Variants in COMMD6 observed in about 807,000 individuals in gnomAD.
The protein encoded by COMMD6 is COMM domain containing 6.
A neutral mutation model predicts 13.4 loss-of-function variants in COMMD6; 11 were observed. The ratio of observed to expected loss-of-function variants is 0.82; its 90% confidence interval spans 0.52 to 1.36. COMMD6 has a LOEUF of 1.36. Ranked by LOEUF, COMMD6 falls within the 40% of genes most tolerant of loss-of-function variation. The pLI is 0.00. For synonymous variants in COMMD6, 43 were observed against 36.5 expected (o/e 1.18, Z -0.64); for missense variants, 124 against 102.4 (o/e 1.21, Z -0.91).
upstream of COMMD6, among the ~76,000 whole-genome samples, chr13:75,542,794 G>A (rs941653963): frequency 1.3e-5 from 2 of 152,234 alleles, no homozygotes; most frequent in Admixed American, 6.5e-5. Context: ...CAGAGAGGGA[G>A]TGTTAGAGTG....
chr13:75,546,038 C>T (rs1176023499), intron 1 of COMMD6, among the ~76,000 whole-genome samples: 1 of 151,988 alleles, frequency 6.6e-6, no homozygotes, highest in African/African-American at 2.4e-5. Context: ...GGATGGATAC[C>T]CCATTCTCCA....
Position 75,530,106 on chromosome 13 carries a change from T to C in COMMD6, c.207+8A>G. 6.2e-7 allele frequency: 1 copy of C among 1,607,816 alleles called. No homozygotes were observed. The highest frequency in any genetic ancestry group is 8.5e-7 in the Non-Finnish European group (1 of 1,176,804). On this transcript the variant is annotated splice_region_variant and intron_variant, in intron 3 of 3. Coordinates refer to ENST00000682242, the MANE Select transcript of COMMD6 (RefSeq NM_203495.4). ...CTGAGCTAAAACTGGATGAGTTAAATCACAAACCTGAAACTGTGGAATCGT... is the reference window on the plus strand; with the variant it reads ...CTGAGCTAAAACTGGATGAGTTAAACCACAAACCTGAAACTGTGGAATCGT...
chr13:75,534,851 T>C (rs1056144627), intron 2 of COMMD6, among the ~76,000 whole-genome samples: 4 of 152,194 alleles, frequency 2.6e-5, no homozygotes, highest in African/African-American at 9.7e-5. Flanking sequence ...TAGATAAAAC[T>C]GGTAATTCCT....
upstream of COMMD6, among the ~76,000 whole-genome samples, chr13:75,543,304 A>G (rs1305842623): frequency 6.6e-6 from 1 of 152,086 alleles, no homozygotes; most frequent in African/African-American, 2.4e-5. Flanking sequence ...TAACAAACCT[A>G]TACATGTATC....
chr13:75,539,908 A>G (rs1044823819), upstream of COMMD6, among the ~76,000 whole-genome samples: 1 of 152,164 alleles, frequency 6.6e-6, no homozygotes, highest in African/African-American at 2.4e-5. Context: ...AGTCAGATGA[A>G]AACACAGAAC....
At position 75,544,120 on chromosome 13, in the gene COMMD6, G is replaced by A. The variant is rs533946544; in HGVS notation, n.106+5203C>T. Among the ~76,000 whole-genome samples, 653 of 151,948 alleles carry A rather than the reference G, an allele frequency of 4.3e-3. 4 individuals carry two copies. The highest frequency in any genetic ancestry group is 0.014 in the African/African-American group (580 of 41,434). The stretch of plus-strand genomic sequence containing the variant: ...TGTGTGTGTTGTGGTGGTGGTGGGT[G>A]GGGGGGAGGTGGGGTAATCATCAAG... On this transcript the variant is annotated intron_variant and non_coding_transcript_variant, in intron 1 of 2. Coordinates refer to the COMMD6 transcript ENST00000460675.
chr13:75,530,149 T>C lies in COMMD6; in HGVS notation c.172A>G (p.Thr58Ala), dbSNP rs767951866. 1 of 1,613,654 alleles carries C rather than the reference T, an allele frequency of 6.2e-7. No individual in the cohort carries two copies. The highest frequency in any genetic ancestry group is 2.2e-5 in the East Asian group (1 of 44,856). The change falls in exon 3 of 4, where the codon ACC (threonine) becomes GCC (alanine). Residue 58 changes from threonine (T) to alanine (A), a missense_variant. By Grantham distance (58) the Thr-to-Ala change is moderately conservative (BLOSUM62 0). Transcript: ENST00000682242. ...GGAATCGTCATTTCAAAGCACTTGG[T>C]CTTTACTTGGCCTGAATGATCTGCC... ...KVADHSGQVK[T>A]KCFEMTIPQF...
Position 75,537,659 on chromosome 13 carries a change from C to A in COMMD6, c.54+5G>T. ...GAGGACAGGGCGGGGCGGCCGCTCA[C>A]CCACCTGGTTGGTGACCTGAAACGG... On this transcript the variant is annotated splice_donor_5th_base_variant and intron_variant, in intron 2 of 3. Transcript: ENST00000682242. 1 of 1,613,890 alleles carries A rather than the reference C, an allele frequency of 6.2e-7. No homozygotes were observed. The highest frequency in any genetic ancestry group is 8.5e-7 in the Non-Finnish European group (1 of 1,179,842).
upstream of COMMD6, among the ~76,000 whole-genome samples, chr13:75,538,201 A>G (rs569215597): frequency 6.2e-4 from 94 of 152,334 alleles, 1 homozygote; most frequent in South Asian, 0.014. Context: ...CCCCCGGCAC[A>G]TGGGAGTTTG....
At chr13:75,539,231 T>A (rs2030780633), upstream of COMMD6, among the ~76,000 whole-genome samples, 1 of 58,696 alleles carries the variant, frequency 1.7e-5, no homozygotes. Flanking sequence ...ACAATTAACT[T>A]TTTTTTTTTT....
intron 3 of COMMD6, chr13:75,529,649 G>A (rs1049006628): frequency 2.0e-5 from 3 of 152,400 alleles, no homozygotes; most frequent in African/African-American, 7.3e-5. Flanking sequence ...AAACTACTGA[G>A]TTACTTAAGT....
At chr13:75,531,734 G>A (rs996963500) in intron 2 of COMMD6, among the ~76,000 whole-genome samples, 1 of 152,222 alleles carries the variant, frequency 6.6e-6, no homozygotes, top group Non-Finnish European at 1.5e-5. Context: ...AAGGATGTGA[G>A]GCAATGGGAA....
chr13:75,548,492 C>G (rs1022206954), intron 1 of COMMD6, among the ~76,000 whole-genome samples: 2 of 152,208 alleles, frequency 1.3e-5, no homozygotes, highest in African/African-American at 2.4e-5. Context: ...GTAATATGCA[C>G]TCTTCCCCAG....
chr13:75,543,094 T>A (rs9593092), upstream of COMMD6, among the ~76,000 whole-genome samples: 17,804 of 152,176 alleles, frequency 0.12, 1,389 homozygotes, highest in Middle Eastern at 0.29. Context: ...GAAAAACAAA[T>A]ACATGTTCTC....
Position 75,533,721 on chromosome 13 carries a change from G to A in COMMD6, c.55-3455C>T, listed in dbSNP as rs1198152113. 2.6e-5 allele frequency among the ~76,000 whole-genome samples: 4 copies of A among 152,156 alleles called. No homozygotes were observed. In the South Asian group the frequency reaches 8.3e-4, roughly 32 times the overall value. ...TATGAAGGATGCATTGCTAGGTCTT[G>A]ATGATTGCCTACAAGATACAACTAT... On this transcript the variant is annotated intron_variant, in intron 2 of 3. Transcript: ENST00000682242.
intron 3 of COMMD6, among the ~76,000 whole-genome samples, chr13:75,529,508 G>C (rs185731035): frequency 0.03 from 3,513 of 116,610 alleles, 47 homozygotes; most frequent in Middle Eastern, 0.05. Flanking sequence ...GCAACAGAGC[G>C]AGACTCCGTC....
At chr13:75,544,697 A>T (rs1259925075) in intron 1 of COMMD6, among the ~76,000 whole-genome samples, 1 of 152,232 alleles carries the variant, frequency 6.6e-6, no homozygotes, top group East Asian at 1.9e-4. Flanking sequence ...CAGGAGGCAG[A>T]GGTTGCAGTG....
At chr13:75,530,562 G>A in intron 2 of COMMD6, 1 of 214,742 alleles carries the variant, frequency 4.7e-6, no homozygotes, top group Non-Finnish European at 9.2e-6. Context: ...AGATGTGGCA[G>A]TATTGGTTTC....
Position 75,530,390 on chromosome 13 carries a change from T to G in COMMD6, c.55-124A>C, listed in dbSNP as rs539053180. The G allele has an allele frequency of 4.6e-6, 3 of 647,772 alleles. No homozygotes were observed. The East Asian group carries it at 8.4e-5, about 18-fold the overall frequency. 40.1% of individuals were successfully genotyped at this position (647,772 alleles called of 1,614,324 possible). A position where few individuals can be genotyped will look rare whatever the true frequency, so the allele number is the denominator to read the frequency against. ...CAACGCTGGTCATATTTACATAAAG[T>G]ATCTTCATTTTAATACTGCTAGAGG... On this transcript the variant is annotated intron_variant, in intron 2 of 3. Transcript: ENST00000682242.
Sources: gnomAD v4.1 joint callset for allele counts (sites outside exome capture counted in the v4.1 genomes callset) on GRCh38, gnomAD v4.1.1 for gene constraint, MANE v1.5 for transcripts, NCBI Gene and HGNC (gene_info 2026-07-23, HGNC 2026-07-21) for gene names.